NINL: variants seen among roughly 807,000 people sequenced by gnomAD.
NINL encodes ninein like, also known as ninein-like protein.
In NINL, 153 loss-of-function variants were observed where a neutral mutation model predicts 160.3. The ratio of observed to expected loss-of-function variants is 0.95; its 90% confidence interval spans 0.84 to 1.09. The LOEUF (loss-of-function observed/expected upper bound fraction) is 1.09. NINL is among the 50% of genes least tolerant of loss of function. The pLI, the probability that NINL is intolerant of heterozygous loss-of-function variation, is 0.00. For synonymous variants in NINL, 800 were observed against 734.8 expected (o/e 1.09, Z -1.43); for missense variants, 1,829 against 1,764.0 (o/e 1.04, Z -0.66).
intron 2 of NINL, among the ~76,000 whole-genome samples, chr20:25,518,849 G>GCA (rs1342771689): frequency 6.6e-6 from 1 of 151,532 alleles, no homozygotes; most frequent in Non-Finnish European, 1.5e-5. Context: ...TGTAATCCCA[G>GCA]CACTTTGGGA....
intron 1 of NINL, among the ~76,000 whole-genome samples, chr20:25,583,571 C>T (rs2065196940): frequency 6.6e-6 from 1 of 152,152 alleles, no homozygotes; most frequent in Non-Finnish European, 1.5e-5. Flanking sequence ...TGTGGCGATT[C>T]CTCAAGGATC....
chr20:25,526,023 T>C (rs1190783990), intron 2 of NINL, among the ~76,000 whole-genome samples: 2 of 152,208 alleles, frequency 1.3e-5, no homozygotes, highest in African/African-American at 4.8e-5. Flanking sequence ...TGTAAGACAA[T>C]CTGCCTTCAA....
chr20:25,455,197 G>A (rs1396197161), intron 23 of NINL, among the ~76,000 whole-genome samples: 2 of 152,184 alleles, frequency 1.3e-5, no homozygotes, highest in Non-Finnish European at 2.9e-5. Flanking sequence ...GCTGGTCACT[G>A]GGCATCTGAC....
intron 8 of NINL, among the ~76,000 whole-genome samples, chr20:25,500,075 G>C (rs759852626): frequency 1.2e-4 from 19 of 152,086 alleles, no homozygotes; most frequent in East Asian, 5.8e-4. Context: ...TAGGGAGAGG[G>C]GGGCAGGTAG....
intron 19 of NINL, among the ~76,000 whole-genome samples, chr20:25,463,004 T>C (rs1188898536): frequency 1.3e-5 from 2 of 152,162 alleles, no homozygotes; most frequent in Non-Finnish European, 2.9e-5. Context: ...ATTCATATCA[T>C]TGTAATTGCT....
At chr20:25,545,863 G>C (rs2064725365) in intron 1 of NINL, among the ~76,000 whole-genome samples, 1 of 152,198 alleles carries the variant, frequency 6.6e-6, no homozygotes, top group Non-Finnish European at 1.5e-5. Context: ...ATCCAGGAGA[G>C]AATCAGCTCT....
intron 9 of NINL, among the ~76,000 whole-genome samples, chr20:25,497,116 A>C (rs1206733732): frequency 1.3e-5 from 2 of 152,128 alleles, no homozygotes; most frequent in African/African-American, 4.8e-5. Context: ...GGCATGTGGG[A>C]GTTGGTTTGT....
Position 25,490,356 on chromosome 20 carries a change from C to T in NINL, c.1486-371G>A, listed in dbSNP as rs538250151. On this transcript the variant is annotated intron_variant, in intron 11 of 23. Coordinates refer to ENST00000278886, the MANE Select transcript of NINL (RefSeq NM_025176.6). ...CGGGCGGATCACAAGGTCAGGAGAT[C>T]AAGACCATCCTGGCTAACATGGTGA... 6.9e-3 allele frequency among the ~76,000 whole-genome samples: 1,049 copies of T among 152,206 alleles called. 6 individuals are homozygous for T. The highest frequency in any genetic ancestry group is 0.02 in the Middle Eastern group (6 of 294).
intron 17 of NINL, among the ~76,000 whole-genome samples, chr20:25,471,151 A>C (rs1341154276): frequency 6.6e-6 from 1 of 151,854 alleles, no homozygotes; most frequent in Non-Finnish European, 1.5e-5. Flanking sequence ...ATGCGCCACC[A>C]CGCCTGGATA....
chr20:25,508,826 C>T (rs918351033), intron 5 of NINL, among the ~76,000 whole-genome samples: 3 of 152,112 alleles, frequency 2.0e-5, no homozygotes, highest in East Asian at 1.9e-4. Context: ...ACACCTGCAC[C>T]GTACATGCCT....
rs532252587 is a variant in NINL, at chr20:25,581,882, C to G, written c.-12+3573G>C. The stretch of plus-strand genomic sequence containing the variant: ...ATCAATTCACCCACCTTAGAGCAGT[C>G]CTATAAATCACAACATATGGGATAA... On this transcript the variant is annotated intron_variant, in intron 1 of 23. Coordinates refer to ENST00000278886, the MANE Select transcript of NINL (RefSeq NM_025176.6). 1.8e-4 allele frequency among the ~76,000 whole-genome samples: 27 copies of G among 152,322 alleles called. No individual in the cohort carries two copies. In the East Asian group the frequency reaches 5.2e-3, roughly 29 times the overall value.
intron 8 of NINL, among the ~76,000 whole-genome samples, chr20:25,499,945 CAAAAAA>C (rs11476280): frequency 6.5e-5 from 4 of 61,438 alleles, no homozygotes; most frequent in Middle Eastern, 0.012. Context: ...ACCAATTTCG[CAAAAAA>C]AAAAAAAAAA....
chr20:25,550,759 G>T (rs1019174361), intron 1 of NINL, among the ~76,000 whole-genome samples: 11 of 152,190 alleles, frequency 7.2e-5, no homozygotes, highest in Admixed American at 2.0e-4. Flanking sequence ...CCATAAGGCG[G>T]TTTTTTCCTA....
rs573813190 is a variant in NINL at position 25,460,638 on chromosome 20, T to G, written c.3696+884A>C. Among the ~76,000 whole-genome samples the G allele has an allele frequency of 2.6e-5, 4 of 152,274 alleles. No individual in the cohort carries two copies. The East Asian group carries it at 7.7e-4, about 29-fold the overall frequency. On this transcript the variant is annotated intron_variant, in intron 21 of 23. Coordinates refer to ENST00000278886, the MANE Select transcript of NINL (RefSeq NM_025176.6). Reference sequence around the variant, plus strand: ...GCACCTCTGGAAAACTGACAGCCTGTAGCTGCAAGGCCAAGAGCCTATGGG... The same window carrying G: ...GCACCTCTGGAAAACTGACAGCCTGGAGCTGCAAGGCCAAGAGCCTATGGG...
intron 2 of NINL, among the ~76,000 whole-genome samples, chr20:25,521,561 T>C (rs1031314226): frequency 1.3e-5 from 2 of 152,236 alleles, no homozygotes; most frequent in African/African-American, 4.8e-5. Context: ...GGTGGCACTT[T>C]TATTGTTTGC....
rs558963488 is a variant in NINL at position 25,561,211 on chromosome 20, A to G, written c.-12+24244T>C. 1.1e-4 allele frequency among the ~76,000 whole-genome samples: 16 copies of G among 152,022 alleles called. No individual in the cohort carries two copies. The South Asian group carries it at 3.3e-3, about 32-fold the overall frequency. ...GCCGCCACGCCTGACGGGTTTTCCT[A>G]TTTTTTTGGTGGAGAGGGGGTTTCG... On this transcript the variant is annotated intron_variant, in intron 1 of 23. Coordinates refer to ENST00000278886, the MANE Select transcript of NINL (RefSeq NM_025176.6).
At chr20:25,576,607 T>A (rs1209917325) in intron 1 of NINL, among the ~76,000 whole-genome samples, 1 of 151,812 alleles carries the variant, frequency 6.6e-6, no homozygotes, top group African/African-American at 2.4e-5. Flanking sequence ...CACAGGCACA[T>A]GCCACTGTGC....
rs911879727 is a variant in NINL at position 25,537,340 on chromosome 20, C to G, written c.-11-10742G>C. 4.6e-5 allele frequency among the ~76,000 whole-genome samples: 7 copies of G among 152,206 alleles called. No homozygotes were observed. In the South Asian group the frequency reaches 1.2e-3, roughly 27 times the overall value. On this transcript the variant is annotated intron_variant, in intron 1 of 23. Transcript: ENST00000278886. ...TCAAGTGATCCTTCTACCGGGGCCT[C>G]CCAGAGGGCTGGGATTACAGGTGTG...
intron 1 of NINL, among the ~76,000 whole-genome samples, chr20:25,578,957 A>G (rs2065145560): frequency 6.6e-6 from 1 of 152,144 alleles, no homozygotes; most frequent in Non-Finnish European, 1.5e-5. Flanking sequence ...GCCAGGCAAC[A>G]CAGTGAAACC....
Sources: gnomAD v4.1 joint callset for allele counts (sites outside exome capture counted in the v4.1 genomes callset) on GRCh38, gnomAD v4.1.1 for gene constraint, MANE v1.5 for transcripts, NCBI Gene and HGNC (gene_info 2026-07-23, HGNC 2026-07-21) for gene names.